Variants in PCDHA1 observed in about 807,000 individuals in gnomAD.
PCDHA1 encodes the protein protocadherin alpha 1.
In PCDHA1, 42 loss-of-function variants were observed where a neutral mutation model predicts 61.3. That is an observed-to-expected ratio of 0.69 (90% CI 0.54 to 0.89). The LOEUF (loss-of-function observed/expected upper bound fraction) is 0.89. Among genes scored for constraint, PCDHA1 ranks in the 40% least tolerant of loss-of-function variants. PCDHA1 has a pLI of 0.00. For missense variants in PCDHA1, 1,256 were observed against 1,235.3 expected (o/e 1.02, Z -0.25); for synonymous variants, 610 against 553.8 (o/e 1.10, Z -1.43).
chr5:140,841,387 A>T, intron 1 of PCDHA1: 1 of 1,613,470 alleles, frequency 6.2e-7, no homozygotes. Flanking sequence ...TGCTCCTCGC[A>T]GCCTGGAAGG....
At chr5:140,851,638 T>G in intron 1 of PCDHA1, 1 of 915,858 alleles carries the variant, frequency 1.1e-6, no homozygotes, top group Non-Finnish European at 1.3e-6. Context: ...AAGTGTTTCC[T>G]TTCTTCAAGA....
intron 1 of PCDHA1, chr5:140,831,346 C>T (rs1204260728): frequency 1.4e-5 from 2 of 140,818 alleles, no homozygotes; most frequent in South Asian, 2.4e-4. Context: ...GTAATTTAAA[C>T]TATTCACTAT....
At chr5:140,826,677 T>A (rs897624044) in intron 1 of PCDHA1, among the ~76,000 whole-genome samples, 2 of 152,092 alleles carry the variant, frequency 1.3e-5, no homozygotes, top group African/African-American at 4.8e-5. Context: ...TAGACGTAAT[T>A]AAAAAAACCC....
intron 1 of PCDHA1, among the ~76,000 whole-genome samples, chr5:140,939,130 A>T (rs1183803741): frequency 6.6e-6 from 1 of 152,204 alleles, no homozygotes; most frequent in Admixed American, 6.5e-5. Context: ...TGGAAGCTGG[A>T]AAGTTGATGA....
At chr5:140,935,363 C>T (rs1005942314) in intron 1 of PCDHA1, among the ~76,000 whole-genome samples, 3 of 152,180 alleles carry the variant, frequency 2.0e-5, no homozygotes, top group African/African-American at 7.2e-5. Flanking sequence ...TTTTCATTAA[C>T]GTCAACAGAA....
chr5:140,971,805 T>C (rs938421537), intron 1 of PCDHA1, among the ~76,000 whole-genome samples: 1 of 152,166 alleles, frequency 6.6e-6, no homozygotes, highest in Non-Finnish European at 1.5e-5. Flanking sequence ...AATATTATAA[T>C]ATTGAATACA....
intron 1 of PCDHA1, chr5:140,841,828 C>A: frequency 6.2e-7 from 1 of 1,613,892 alleles, no homozygotes; most frequent in Middle Eastern, 1.6e-4. Context: ...CCGTGTTAAC[C>A]TACAGGCTTA....
At chr5:140,857,920 G>A (rs2045011675) in intron 1 of PCDHA1, 2 of 1,597,818 alleles carry the variant, frequency 1.3e-6, no homozygotes, top group Non-Finnish European at 1.7e-6. Flanking sequence ...TTCGCGTGGG[G>A]CTGTACACGG....
intron 1 of PCDHA1, among the ~76,000 whole-genome samples, chr5:140,977,826 T>C (rs1554238818): frequency 1.3e-5 from 2 of 152,208 alleles, no homozygotes; most frequent in Admixed American, 6.5e-5. Flanking sequence ...TTTTGAATGG[T>C]CTATTGATAT....
At chr5:140,867,118 T>C (rs2049765139) in intron 1 of PCDHA1, 1 of 152,172 alleles carries the variant, frequency 6.6e-6, no homozygotes, top group Admixed American at 6.5e-5. Context: ...CATATTGTTT[T>C]AATTCAAATA....
chr5:140,846,031 G>A lies in PCDHA1; in HGVS notation c.2394+57347G>A, dbSNP rs2150383784. On this transcript the variant is annotated intron_variant, in intron 1 of 3. Coordinates refer to ENST00000504120, the MANE Select transcript of PCDHA1 (RefSeq NM_018900.4). ...AATCTAAAAGTTATTACGAGTTTAG[G>A]AAAGTCAAGTTAACACCACCTATGT... 1.1e-4 allele frequency among the ~76,000 whole-genome samples: 16 copies of A among 149,690 alleles called. 2 individuals carry two copies. The highest frequency in any genetic ancestry group is 2.4e-4 in the Non-Finnish European group (16 of 66,844).
rs2150326253 is a variant in PCDHA1 at position 140,841,946 on chromosome 5, C to A, written c.2394+53262C>A. 13 of 1,613,790 alleles carry A rather than the reference C, an allele frequency of 8.1e-6. No homozygotes were observed. The highest frequency in any genetic ancestry group is 2.7e-5 in the African/African-American group (2 of 74,876). ...GGACAGAGAGGACGCTCCTGCGCAC[C>A]ACTTATTCCTGACAGCCACAGATGG... On this transcript the variant is annotated intron_variant, in intron 1 of 3. Coordinates refer to ENST00000504120, the MANE Select transcript of PCDHA1 (RefSeq NM_018900.4).
intron 1 of PCDHA1, among the ~76,000 whole-genome samples, chr5:140,833,058 A>G (rs2150205885): frequency 6.6e-6 from 1 of 152,354 alleles, no homozygotes; most frequent in Non-Finnish European, 1.5e-5. Context: ...AAGTAATATG[A>G]GAAAAACCTT....
At chr5:140,888,189 T>C (rs1554183360) in intron 1 of PCDHA1, among the ~76,000 whole-genome samples, 2 of 152,344 alleles carry the variant, frequency 1.3e-5, no homozygotes. Flanking sequence ...TTGTGAATTT[T>C]ACATTGTCGG....
chr5:140,830,233 G>T (rs2150183193), intron 1 of PCDHA1: 2 of 1,613,906 alleles, frequency 1.2e-6, no homozygotes, highest in East Asian at 4.5e-5. Context: ...TGGTCCTCAC[G>T]CTACTGCTGT....
intron 1 of PCDHA1, chr5:140,795,951 A>G: frequency 6.2e-7 from 1 of 1,614,148 alleles, no homozygotes; most frequent in Middle Eastern, 1.6e-4. Context: ...GAACCCCTTC[A>G]ATGTCAGGAC....
intron 1 of PCDHA1, chr5:140,824,833 T>C (rs1016078970): frequency 2.0e-5 from 3 of 152,074 alleles, no homozygotes; most frequent in Admixed American, 6.5e-5. Context: ...ATTATTATTT[T>C]ATTACACTAA....
chr5:140,836,129 G>A (rs2150253536), intron 1 of PCDHA1: 3 of 1,613,716 alleles, frequency 1.9e-6, no homozygotes, highest in Non-Finnish European at 2.5e-6. Flanking sequence ...AGCTTGTGCC[G>A]CGGTCTGTGG....
chr5:140,836,947 T>C (rs1208330936), intron 1 of PCDHA1: 5 of 442,006 alleles, frequency 1.1e-5, no homozygotes, highest in Non-Finnish European at 1.9e-5. Flanking sequence ...GATCAAAATC[T>C]ATGGTTTATG....
Sources: gnomAD v4.1 joint callset for allele counts (sites outside exome capture counted in the v4.1 genomes callset) on GRCh38, gnomAD v4.1.1 for gene constraint, MANE v1.5 for transcripts, NCBI Gene and HGNC (gene_info 2026-07-23, HGNC 2026-07-21) for gene names.